The following KREMEN1 variants were observed in gnomAD, a reference collection of about 807,000 sequenced individuals.
KREMEN1 encodes the protein kringle containing transmembrane protein 1.
Under a neutral mutation model 46.5 loss-of-function variants are expected in KREMEN1, and 30 were observed. That is an observed-to-expected ratio of 0.65 (90% CI 0.48 to 0.88). KREMEN1 has a LOEUF of 0.88. Ranked by LOEUF, KREMEN1 falls within the 40% of genes least tolerant of loss-of-function variation. KREMEN1 has a pLI of 0.00. For synonymous variants in KREMEN1, 214 were observed against 230.6 expected (o/e 0.93, Z 0.65); for missense variants, 533 against 596.9 (o/e 0.89, Z 1.11).
intron 9 of KREMEN1, chr22:29,166,901 CCAGGCTGGGTGA>C: frequency 1.5e-6 from 1 of 673,530 alleles, no homozygotes; most frequent in East Asian, 2.8e-5. Flanking sequence ...CCACCGCACT[CCAGGCTGGGTGA>C]CAGAGTGAGG....
chr22:29,147,681 G>A (rs976367555), downstream of KREMEN1, among the ~76,000 whole-genome samples: 4 of 152,174 alleles, frequency 2.6e-5, no homozygotes, highest in South Asian at 2.1e-4. Context: ...GGGTAAGACC[G>A]AGGGCAAGGA....
At chr22:29,131,700 GTA>G (rs200421854) in intron 5 of KREMEN1, among the ~76,000 whole-genome samples, 22,361 of 128,866 alleles carry the variant, frequency 0.17, 2,201 homozygotes, top group Non-Finnish European at 0.19. Flanking sequence ...GTATATATGT[GTA>G]TATATATGTA....
chr22:29,149,169 C>CTTTTTTTTTTTTT (rs557993177), downstream of KREMEN1, among the ~76,000 whole-genome samples: 45 of 145,772 alleles, frequency 3.1e-4, no homozygotes, highest in African/African-American at 1.1e-3. Context: ...ATAATGGCAC[C>CTTTTTTTTTTTTT]TTTTTTTTTT....
At chr22:29,080,941 C>CTTTTT (rs71313000) in intron 1 of KREMEN1, among the ~76,000 whole-genome samples, 95 of 112,196 alleles carry the variant, frequency 8.5e-4, no homozygotes, top group Non-Finnish European at 1.1e-3. Flanking sequence ...TTTTTTTGTC[C>CTTTTT]TTTTTTTTTT....
Position 29,083,951 on chromosome 22 carries a change from G to T in KREMEN1, c.98-10307G>T, listed in dbSNP as rs184001644. On this transcript the variant is annotated intron_variant, in intron 1 of 8. Coordinates refer to ENST00000400335, the MANE Select transcript of KREMEN1 (RefSeq NM_001039570.3). ...GGCAGAGCAGCCCCGAGGGCAGCTG[G>T]TTGGCTATTTTTATGGTTATTTCTT... 2.0e-5 allele frequency among the ~76,000 whole-genome samples: 3 copies of T among 152,226 alleles called. No homozygotes were observed. The East Asian group carries it at 5.8e-4, about 29-fold the overall frequency.
chr22:29,138,870 G>T, intron 7 of KREMEN1, 88 bp downstream of exon 7: 1 of 1,587,536 alleles, frequency 6.3e-7, no homozygotes, highest in Non-Finnish European at 8.6e-7. Context: ...AAAAGCACTT[G>T]GGTGTTTCTT....
In KREMEN1 at chr22:29,125,357, T is replaced by C; in HGVS notation, c.572T>C (p.Val191Ala). ...GCAGCCAGTACCGAATGCAACAGCG[T>C]CTGCTTCGGGGATCACACCCAACCC... Reference protein sequence around the residue: ...GEAASTECNSVCFGDHTQPCG... With the variant: ...GEAASTECNSACFGDHTQPCG... Residue 191 changes from valine (V) to alanine (A), a missense_variant, in exon 5 of 9, where the codon GTC becomes GCC. Coordinates refer to ENST00000400335, the MANE Select transcript of KREMEN1 (RefSeq NM_001039570.3). The C allele has an allele frequency of 6.2e-7, 1 of 1,614,172 alleles. No individual in the cohort carries two copies. Among genetic ancestry groups the C allele is most frequent in the African/African-American group, 1.3e-5 (1 of 75,034 alleles).
chr22:29,147,792 G>C (rs1055989231), downstream of KREMEN1, among the ~76,000 whole-genome samples: 6 of 152,160 alleles, frequency 3.9e-5, no homozygotes, highest in Non-Finnish European at 8.8e-5. Flanking sequence ...GCACTCCCAG[G>C]GCAGGGGCAC....
chr22:29,117,363 C>G (rs539211400), intron 3 of KREMEN1, among the ~76,000 whole-genome samples: 3 of 152,226 alleles, frequency 2.0e-5, no homozygotes, highest in Non-Finnish European at 4.4e-5. Context: ...GTCAGGAGAT[C>G]GAGACCATCC....
intron 3 of KREMEN1, among the ~76,000 whole-genome samples, chr22:29,105,971 G>T (rs1169767580): frequency 6.6e-6 from 1 of 152,152 alleles, no homozygotes; most frequent in East Asian, 1.9e-4. Context: ...CCTTACAAAA[G>T]TCAGCCCAAA....
intron 4 of KREMEN1, among the ~76,000 whole-genome samples, chr22:29,124,498 T>C: frequency 6.6e-6 from 1 of 151,948 alleles, no homozygotes; most frequent in East Asian, 1.9e-4. Context: ...AAATCTTTTT[T>C]TTTTTTTTCT....
intron 4 of KREMEN1, among the ~76,000 whole-genome samples, chr22:29,122,275 C>T (rs572097553): frequency 6.6e-6 from 1 of 152,212 alleles, no homozygotes; most frequent in Non-Finnish European, 1.5e-5. Context: ...CACTGCACAC[C>T]ACTTCAGGAT....
At chr22:29,108,093 C>G (rs1339441041) in intron 3 of KREMEN1, among the ~76,000 whole-genome samples, 1 of 152,250 alleles carries the variant, frequency 6.6e-6, no homozygotes, top group Admixed American at 6.5e-5. Flanking sequence ...CAACGCCAGC[C>G]TGGGCAATGT....
At chr22:29,137,132 C>A (rs1362328353) in intron 5 of KREMEN1, among the ~76,000 whole-genome samples, 1 of 152,198 alleles carries the variant, frequency 6.6e-6, no homozygotes, top group East Asian at 1.9e-4. Context: ...GTGCTGTGTG[C>A]TAATTCTAAG....
intron 5 of KREMEN1, among the ~76,000 whole-genome samples, chr22:29,134,454 G>A (rs1255076199): frequency 6.6e-6 from 1 of 152,158 alleles, no homozygotes; most frequent in African/African-American, 2.4e-5. Context: ...ACCATGCCTT[G>A]CCTCCAGTAG....
At chr22:29,121,306 T>G in intron 3 of KREMEN1, 51 bp from the exon 4 acceptor site, 2 of 1,605,256 alleles carry the variant, frequency 1.2e-6, no homozygotes, top group Non-Finnish European at 1.7e-6. Flanking sequence ...TCCTTCTTGG[T>G]GTTTCACAGC....
At chr22:29,153,200 C>T (rs577821467) in intron 9 of KREMEN1, among the ~76,000 whole-genome samples, 21 of 152,254 alleles carry the variant, frequency 1.4e-4, no homozygotes, top group Middle Eastern at 3.4e-3. Flanking sequence ...TTGGTTTTGG[C>T]GGGTTTTGTC....
chr22:29,103,512 C>T (rs931631177), intron 3 of KREMEN1, among the ~76,000 whole-genome samples: 1 of 152,100 alleles, frequency 6.6e-6, no homozygotes, highest in Non-Finnish European at 1.5e-5. Flanking sequence ...TTGGATTTGC[C>T]CCTGAAACTG....
chr22:29,142,753 C>T lies in KREMEN1; in HGVS notation c.*641C>T. The T allele has an allele frequency of 1.0e-6, 1 of 985,460 alleles. No homozygotes were observed. The highest frequency in any genetic ancestry group is 1.1e-4 in the East Asian group (1 of 8,814). The allele number at this position is 985,460 out of a possible 1,614,324, so 61.0% of individuals were successfully genotyped here. The stretch of plus-strand genomic sequence containing the variant: ...TCTGAGAATAAGATCTAGTGACCCC[C>T]ATTTATATCAAACCTGATACCTTAC... On this transcript the variant is annotated 3_prime_UTR_variant, in exon 9 of 9. Coordinates refer to ENST00000400335, the MANE Select transcript of KREMEN1 (RefSeq NM_001039570.3).
Sources: allele counts gnomAD v4.1 joint callset (sites outside exome capture counted in the v4.1 genomes callset), GRCh38; gene constraint gnomAD v4.1.1; transcripts MANE v1.5; gene names NCBI Gene and HGNC (gene_info 2026-07-23, HGNC 2026-07-21).